The following GPBP1 variants were observed in gnomAD, a reference collection of about 807,000 sequenced individuals.
GPBP1 encodes the protein GC-rich promoter binding protein 1.
In GPBP1, 13 loss-of-function variants were observed where a neutral mutation model predicts 56.5. The observed-to-expected ratio is 0.23, with a 90% CI of 0.15 to 0.37. GPBP1 has a LOEUF of 0.37. Among genes scored for constraint, GPBP1 ranks in the 10% least tolerant of loss-of-function variants. The pLI, the probability that GPBP1 is intolerant of heterozygous loss-of-function variation, is 1.00. For synonymous variants in GPBP1, 204 were observed against 188.9 expected (o/e 1.08, Z -0.66); for missense variants, 477 against 572.3 (o/e 0.83, Z 1.70).
intron 2 of GPBP1, among the ~76,000 whole-genome samples, chr5:57,182,611 TCCAC>T (rs1754104626): frequency 6.6e-6 from 1 of 152,118 alleles, no homozygotes; most frequent in African/African-American, 2.4e-5. Flanking sequence ...GACCTCGTGA[TCCAC>T]CTGCCTCAGC....
chr5:57,190,177 G>GGGATT lies in GPBP1; in HGVS notation c.-58+13780_-58+13784dup, dbSNP rs1465218974. Among the ~76,000 whole-genome samples the GGGATT allele has an allele frequency of 2.0e-5, 3 of 148,838 alleles. No individual in the cohort carries two copies. The South Asian group carries it at 7.0e-4, about 35-fold the overall frequency. ...TTTAGCCTTACTTTTTTTTAGGGGG[G>GGGATT]GGATTGGGTGTATATGGTTGTTTTT... On this transcript the variant is annotated intron_variant, in intron 2 of 11. Coordinates refer to ENST00000506184, the MANE Select transcript of GPBP1 (RefSeq NM_022913.4).
chr5:57,253,720 C>G (rs530243980), intron 10 of GPBP1, among the ~76,000 whole-genome samples: 1 of 152,066 alleles, frequency 6.6e-6, no homozygotes, highest in Non-Finnish European at 1.5e-5. Context: ...CTAATTTTTT[C>G]AAATGTTTTA....
At chr5:57,219,841 T>C (rs1198204253) in intron 3 of GPBP1, among the ~76,000 whole-genome samples, 7 of 151,906 alleles carry the variant, frequency 4.6e-5, no homozygotes, top group Admixed American at 4.6e-4. Context: ...TCACCTGAGG[T>C]TGGGAGTTCG....
intron 3 of GPBP1, among the ~76,000 whole-genome samples, chr5:57,222,731 T>C (rs1333751880): frequency 6.6e-6 from 1 of 152,230 alleles, no homozygotes; most frequent in Non-Finnish European, 1.5e-5. Context: ...AATTGCTGAA[T>C]CAGAAGGTTT....
In GPBP1 at chr5:57,179,619, C is replaced by CA. The variant is rs1342786444; in HGVS notation, c.-58+3220dup. ...GTTGTTTTTTTGGGTTTTTTTGAGACAGAGTTTCGCAGTTGTTGCTGAGGG... is the reference window on the plus strand; with the variant it reads ...GTTGTTTTTTTGGGTTTTTTTGAGACAAGAGTTTCGCAGTTGTTGCTGAGGG... On this transcript the variant is annotated intron_variant, in intron 2 of 11. Coordinates refer to ENST00000506184, the MANE Select transcript of GPBP1 (RefSeq NM_022913.4). Among the ~76,000 whole-genome samples the CA allele has an allele frequency of 4.6e-5, 7 of 152,034 alleles. No homozygotes were observed. In the South Asian group the frequency reaches 8.3e-4, roughly 18 times the overall value.
At chr5:57,215,198 C>T (rs1384921376) in intron 3 of GPBP1, among the ~76,000 whole-genome samples, 4 of 152,200 alleles carry the variant, frequency 2.6e-5, no homozygotes, top group African/African-American at 9.7e-5. Context: ...CTTTGCTGAA[C>T]ATTATCTAAT....
chr5:57,194,028 A>G (rs1561328914), intron 2 of GPBP1, among the ~76,000 whole-genome samples: 1 of 152,226 alleles, frequency 6.6e-6, no homozygotes, highest in African/African-American at 2.4e-5. Context: ...TTTCTAATAC[A>G]AGTAGTAGCA....
At chr5:57,199,080 T>A (rs1177749480) in intron 2 of GPBP1, among the ~76,000 whole-genome samples, 1 of 152,210 alleles carries the variant, frequency 6.6e-6, no homozygotes, top group Non-Finnish European at 1.5e-5. Flanking sequence ...GAAGTACATT[T>A]ACAATGGCGG....
At chr5:57,231,644 T>C (rs990593017) in intron 5 of GPBP1, among the ~76,000 whole-genome samples, 1 of 152,218 alleles carries the variant, frequency 6.6e-6, no homozygotes, top group African/African-American at 2.4e-5. Context: ...ATTGACCCAG[T>C]GTACAGTCAT....
chr5:57,234,656 A>C lies in GPBP1; in HGVS notation c.412-1310A>C, dbSNP rs79301229. ...AAAAGCAGAGAAGTTTCTCCAGCTA[A>C]AGTCAGATGTGCAGCAGAAAAGGAA... On this transcript the variant is annotated intron_variant, in intron 5 of 11. Coordinates refer to ENST00000506184, the MANE Select transcript of GPBP1 (RefSeq NM_022913.4). Among the ~76,000 whole-genome samples, 425 of 152,344 alleles carry C rather than the reference A, an allele frequency of 2.8e-3. 1 individual carries two copies. Among genetic ancestry groups the C allele is most frequent in the African/African-American group, 0.01 (417 of 41,570 alleles).
chr5:57,212,908 A>G (rs1342116051), intron 2 of GPBP1, among the ~76,000 whole-genome samples: 2 of 151,870 alleles, frequency 1.3e-5, no homozygotes, highest in African/African-American at 2.4e-5. Flanking sequence ...CCTGACCTCA[A>G]GTGATCCACC....
In GPBP1 at chr5:57,242,695, C is replaced by T. The variant is rs1317410324; in HGVS notation, c.479-3605C>T. ...CCTGGGCTCAAGTGATCCATCCCAC[C>T]TTGGCCTCCGAAAGTGCTGGAATTA... On this transcript the variant is annotated intron_variant, in intron 6 of 11. Transcript: ENST00000506184. 2.6e-5 allele frequency among the ~76,000 whole-genome samples: 4 copies of T among 152,142 alleles called. No individual in the cohort carries two copies. In the East Asian group the frequency reaches 7.7e-4, roughly 29 times the overall value.
intron 3 of GPBP1, chr5:57,230,643 G>T: frequency 1.7e-6 from 1 of 571,624 alleles, no homozygotes; most frequent in South Asian, 2.2e-5. Context: ...AAGCACATGT[G>T]CTTGTTTCCA....
At chr5:57,205,422 T>C (rs1290674730) in intron 2 of GPBP1, among the ~76,000 whole-genome samples, 1 of 152,214 alleles carries the variant, frequency 6.6e-6, no homozygotes, top group African/African-American at 2.4e-5. Flanking sequence ...AATTCTTCTG[T>C]GTATATACCT....
At chr5:57,197,857 TTGA>T (rs1754835128) in intron 2 of GPBP1, among the ~76,000 whole-genome samples, 1 of 152,156 alleles carries the variant, frequency 6.6e-6, no homozygotes, top group Non-Finnish European at 1.5e-5. Flanking sequence ...CTTAAAATGT[TTGA>T]TGATTATTAG....
intron 6 of GPBP1, 67 bp from the exon 7 acceptor site, chr5:57,246,233 T>C (rs982153648): frequency 7.7e-7 from 1 of 1,294,340 alleles, no homozygotes; most frequent in African/African-American, 1.5e-5. Context: ...ACTGTTCTTT[T>C]GGTGGTTTTA....
chr5:57,211,684 A>G (rs10058576), intron 2 of GPBP1, among the ~76,000 whole-genome samples: 3,931 of 151,854 alleles, frequency 0.026, 153 homozygotes, highest in African/African-American at 0.089. Flanking sequence ...CCCGGGTTCA[A>G]GCAATTCTCC....
At chr5:57,243,273 G>A (rs187594646) in intron 6 of GPBP1, among the ~76,000 whole-genome samples, 156 of 152,154 alleles carry the variant, frequency 1.0e-3, no homozygotes, top group Middle Eastern at 3.4e-3. Context: ...CACCATATTG[G>A]CCAGGCTGGT....
At chr5:57,239,606 C>T (rs1192314983) in intron 6 of GPBP1, among the ~76,000 whole-genome samples, 2 of 151,680 alleles carry the variant, frequency 1.3e-5, no homozygotes, top group Admixed American at 1.3e-4. Context: ...AATGGTGAAA[C>T]CCGTTTCTAC....
Sources: gnomAD v4.1 joint callset for allele counts (sites outside exome capture counted in the v4.1 genomes callset) on GRCh38, gnomAD v4.1.1 for gene constraint, MANE v1.5 for transcripts, NCBI Gene and HGNC (gene_info 2026-07-23, HGNC 2026-07-21) for gene names.